SLC30A9: variants seen among roughly 807,000 people sequenced by gnomAD.
SLC30A9 encodes solute carrier family 30 member 9, also known as proton-coupled zinc antiporter SLC30A9, mitochondrial.
A neutral mutation model predicts 87.5 loss-of-function variants in SLC30A9; 58 were observed. The observed-to-expected ratio is 0.66, with a 90% CI of 0.54 to 0.82. SLC30A9 has a LOEUF of 0.82. Ranked by LOEUF, SLC30A9 falls within the 40% of genes least tolerant of loss-of-function variation. The probability of loss-of-function intolerance (pLI) is 0.00; values close to 1 mark genes in which losing one functional copy is unlikely to be tolerated. For missense variants in SLC30A9, 557 were observed against 679.1 expected (o/e 0.82, Z 2.00); for synonymous variants, 234 against 233.0 (o/e 1.00, Z -0.04).
chr4:42,027,073 G>A (rs994128125), intron 6 of SLC30A9, among the ~76,000 whole-genome samples: 1 of 152,142 alleles, frequency 6.6e-6, no homozygotes. Context: ...CGGTGTTACG[G>A]CATCTGTCTT....
intron 11 of SLC30A9, among the ~76,000 whole-genome samples, chr4:42,063,776 G>A (rs886189527): frequency 2.6e-5 from 4 of 151,904 alleles, no homozygotes; most frequent in Non-Finnish European, 4.4e-5. Context: ...GGCACTTCTT[G>A]GAGATTACCC....
intron 1 of SLC30A9, among the ~76,000 whole-genome samples, chr4:41,994,591 A>G (rs1714609885): frequency 6.6e-6 from 1 of 151,830 alleles, no homozygotes; most frequent in African/African-American, 2.4e-5. Context: ...TTATTGTCAT[A>G]AGAAAAGTAG....
In SLC30A9 at chr4:42,063,007, C is replaced by A. The variant is rs1717927548; in HGVS notation, c.918C>A (p.Arg306=). 6.2e-7 allele frequency: 1 copy of A among 1,612,632 alleles called. No homozygotes were observed. The highest frequency in any genetic ancestry group is 1.3e-5 in the African/African-American group (1 of 74,886). Residue 306 remains arginine, a synonymous_variant, in exon 11 of 18, where the codon CGC becomes CGA. Transcript: ENST00000264451. ...PSHPYGFSNM[R]YISSLISGVG... ...TCAGGTACGGATTTTCAAATATGCG[C>A]TATATTTCTTCGCTAATTAGTGGTG...
chr4:42,009,225 G>C (rs1715340900), intron 2 of SLC30A9, among the ~76,000 whole-genome samples: 1 of 152,110 alleles, frequency 6.6e-6, no homozygotes, highest in African/African-American at 2.4e-5. Flanking sequence ...ATTGTTTATT[G>C]ACAGTTTTAT....
intron 1 of SLC30A9, among the ~76,000 whole-genome samples, chr4:42,001,309 G>T (rs534860175): frequency 6.6e-6 from 1 of 151,994 alleles, no homozygotes; most frequent in Non-Finnish European, 1.5e-5. Flanking sequence ...ATTCTGAAAA[G>T]TAATTATGCC....
At position 42,058,522 on chromosome 4, in the gene SLC30A9, C is replaced by T. The variant is rs533123506; in HGVS notation, c.841-1669C>T. Among the ~76,000 whole-genome samples, 6 of 152,272 alleles carry T rather than the reference C, an allele frequency of 3.9e-5. No individual in the cohort carries two copies. In the South Asian group the frequency reaches 8.3e-4, roughly 21 times the overall value. On this transcript the variant is annotated intron_variant, in intron 9 of 17. Transcript: ENST00000264451. ...ATTTTCGGGTATCTAGAGCAGCACC[C>T]CACTCTACTGGTACCAATTTACTGT...
At chr4:42,085,197 T>C (rs1245803167) in intron 17 of SLC30A9, among the ~76,000 whole-genome samples, 1 of 152,208 alleles carries the variant, frequency 6.6e-6, no homozygotes, top group Non-Finnish European at 1.5e-5. Context: ...CCTGGAAGGC[T>C]CATCATATGC....
At chr4:42,033,124 T>C (rs1210522505) in intron 6 of SLC30A9, among the ~76,000 whole-genome samples, 2 of 152,320 alleles carry the variant, frequency 1.3e-5, no homozygotes, top group East Asian at 3.9e-4. Context: ...TCAGTAGATA[T>C]ACAGTTAGGC....
chr4:42,017,126 T>C (rs1715754640), intron 2 of SLC30A9, among the ~76,000 whole-genome samples: 1 of 152,178 alleles, frequency 6.6e-6, no homozygotes, highest in Non-Finnish European at 1.5e-5. Context: ...TTCCTTTTTC[T>C]TGATCTGATG....
chr4:42,039,000 AG>A lies in SLC30A9; in HGVS notation c.685del (p.Ala229HisfsTer12), dbSNP rs780220604. The A allele has an allele frequency of 6.2e-7, 1 of 1,613,778 alleles. No individual in the cohort carries two copies. Among genetic ancestry groups the A allele is most frequent in the Admixed American group, 1.7e-5 (1 of 60,024 alleles). On this transcript the variant is annotated frameshift_variant, in exon 8 of 18. Coordinates refer to ENST00000264451, the MANE Select transcript of SLC30A9 (RefSeq NM_006345.4). LOFTEE classifies it high-confidence loss of function. ...LGNTKPRSRTASVFFKGPGKV... is the reference protein window; with the variant it reads ...LGNTKPRSRTXSVFFKGPGKV... ...TTTTTTTACAGCCACGCTCCAGAAC[AG>A]CATCAGTGTTTTTTAAGGGACCAGG...
intron 8 of SLC30A9, 92 bp downstream of exon 8, chr4:42,039,145 C>A: frequency 1.1e-6 from 1 of 944,962 alleles, no homozygotes; most frequent in Non-Finnish European, 1.7e-6. Context: ...TGGTAGCTAG[C>A]TATAGAGTTT....
At chr4:42,075,933 T>A in intron 16 of SLC30A9, 147 bp downstream of exon 16, 1 of 675,574 alleles carries the variant, frequency 1.5e-6, no homozygotes, top group Non-Finnish European at 2.5e-6. Flanking sequence ...CCTTTATATT[T>A]ACTATGGAGG....
intron 17 of SLC30A9, among the ~76,000 whole-genome samples, chr4:42,083,489 ATATT>A (rs1377092336): frequency 1.3e-5 from 2 of 152,178 alleles, no homozygotes; most frequent in Admixed American, 6.5e-5. Context: ...GATATTAATC[ATATT>A]TATTCATTCA....
chr4:42,006,777 G>A (rs1560536085), intron 2 of SLC30A9, among the ~76,000 whole-genome samples: 3 of 151,956 alleles, frequency 2.0e-5, no homozygotes, highest in South Asian at 4.2e-4. Flanking sequence ...AGGATTTGGC[G>A]GTGGGGTTGG....
At chr4:42,044,158 G>A (rs1277674378) in intron 8 of SLC30A9, among the ~76,000 whole-genome samples, 5 of 152,054 alleles carry the variant, frequency 3.3e-5, no homozygotes, top group Non-Finnish European at 7.3e-5. Flanking sequence ...CAACTAATGA[G>A]CAAAATAACC....
Position 41,998,197 on chromosome 4 carries a change from G to A in SLC30A9, c.110-3419G>A, listed in dbSNP as rs560707070. Among the ~76,000 whole-genome samples the A allele has an allele frequency of 1.6e-4, 25 of 152,326 alleles. 1 individual carries two copies. Among genetic ancestry groups the A allele is most frequent in the African/African-American group, 5.3e-4 (22 of 41,586 alleles). On this transcript the variant is annotated intron_variant, in intron 1 of 17. Coordinates refer to ENST00000264451, the MANE Select transcript of SLC30A9 (RefSeq NM_006345.4). ...GGCCATTAGGTCACTAGCTACAGAG[G>A]CCATGAGAGTAAAATAAAGACGGAG...
At chr4:42,079,271 A>G (rs1718670219) in intron 17 of SLC30A9, among the ~76,000 whole-genome samples, 1 of 152,002 alleles carries the variant, frequency 6.6e-6, no homozygotes, top group Non-Finnish European at 1.5e-5. Context: ...ACTTTTAAAA[A>G]CATACACCTA....
chr4:41,991,141 C>A lies in SLC30A9; in HGVS notation c.109+381C>A, dbSNP rs529446819. Among the ~76,000 whole-genome samples, 4 of 152,406 alleles carry A rather than the reference C, an allele frequency of 2.6e-5. No individual in the cohort carries two copies. The East Asian group carries it at 7.7e-4, about 29-fold the overall frequency. On this transcript the variant is annotated intron_variant, in intron 1 of 17. Coordinates refer to ENST00000264451, the MANE Select transcript of SLC30A9 (RefSeq NM_006345.4). ...CCAGGGTCTTTGGAGCTTTCCAGCGCACCTTCATTTAGCACTTGGTTGAGA... is the reference window on the plus strand; with the variant it reads ...CCAGGGTCTTTGGAGCTTTCCAGCGAACCTTCATTTAGCACTTGGTTGAGA...
chr4:42,040,408 TTAGAGGTTTGA>T (rs1716872340), intron 8 of SLC30A9, among the ~76,000 whole-genome samples: 1 of 152,010 alleles, frequency 6.6e-6, no homozygotes, highest in African/African-American at 2.4e-5. Flanking sequence ...GAAATCTGAG[TTAGAGGTTTGA>T]TAGTTTTTAG....
Sources: allele counts gnomAD v4.1 joint callset (sites outside exome capture counted in the v4.1 genomes callset), GRCh38; gene constraint gnomAD v4.1.1; transcripts MANE v1.5; gene names NCBI Gene and HGNC (gene_info 2026-07-23, HGNC 2026-07-21).